The following ERRFI1 variants were observed in gnomAD, a reference collection of about 807,000 sequenced individuals.
ERRFI1 encodes ERBB receptor feedback inhibitor 1.
ERRFI1 carries 12 observed loss-of-function variants against 14.6 expected under a neutral mutation model. The observed-to-expected ratio is 0.82, with a 90% CI of 0.53 to 1.33. The LOEUF (loss-of-function observed/expected upper bound fraction) is 1.33, where lower values mean the gene tolerates loss of function less well. ERRFI1 is among the 40% of genes most tolerant of loss of function. ERRFI1 has a pLI of 0.00. For synonymous variants in ERRFI1, 202 were observed against 209.9 expected (o/e 0.96, Z 0.32); for missense variants, 482 against 572.1 (o/e 0.84, Z 1.61).
intron 1 of ERRFI1, among the ~76,000 whole-genome samples, chr1:8,023,277 TTTTG>T (rs370292855): frequency 7.9e-4 from 120 of 152,282 alleles, no homozygotes; most frequent in African/African-American, 1.7e-3. Flanking sequence ...CCCCACATTT[TTTTG>T]TTTGTTTATT....
chr1:8,021,423 A>G (rs1641272734), intron 1 of ERRFI1, among the ~76,000 whole-genome samples: 1 of 152,218 alleles, frequency 6.6e-6, no homozygotes, highest in Non-Finnish European at 1.5e-5. Context: ...TTTCTCCTAC[A>G]GAGTAGCACA....
At chr1:8,018,136 T>C (rs896277562) in intron 1 of ERRFI1, among the ~76,000 whole-genome samples, 11 of 152,126 alleles carry the variant, frequency 7.2e-5, no homozygotes, top group African/African-American at 1.4e-4. Flanking sequence ...GTTATGAAAC[T>C]GTCCGAACTT....
At chr1:8,017,813 A>G (rs940046859) in intron 1 of ERRFI1, among the ~76,000 whole-genome samples, 5 of 152,234 alleles carry the variant, frequency 3.3e-5, no homozygotes, top group African/African-American at 1.2e-4. Flanking sequence ...ACTGTGTGTC[A>G]GCCTCCTAAT....
intron 1 of ERRFI1, among the ~76,000 whole-genome samples, chr1:8,023,628 C>A (rs1417917762): frequency 6.6e-6 from 1 of 152,194 alleles, no homozygotes; most frequent in Non-Finnish European, 1.5e-5. Context: ...GAAGAGTGGT[C>A]TTTTCGTAAT....
chr1:8,014,067 C>G lies in ERRFI1; in HGVS notation c.532G>C (p.Asp178His), dbSNP rs755215502. The G allele has an allele frequency of 6.2e-7, 1 of 1,613,998 alleles. No homozygotes were observed. The highest frequency in any genetic ancestry group is 1.3e-5 in the African/African-American group (1 of 74,882). Residue 178 changes from aspartate (D) to histidine (H), a missense_variant, in exon 4 of 4, where the codon GAT (aspartate) becomes CAT (histidine). Coordinates refer to ENST00000377482, the MANE Select transcript of ERRFI1 (RefSeq NM_018948.4). ...GAGTCTTCTAAAAGGAAGTCTGTAT[C>G]TGAGCTAGTTAGGAATTCCACCTCA... The part of the protein sequence containing the change: ...DCEVEFLTSS[D>H]TDFLLEDSTL...
chr1:8,017,648 T>C (rs1342417498), intron 1 of ERRFI1, among the ~76,000 whole-genome samples: 4 of 152,200 alleles, frequency 2.6e-5, no homozygotes, highest in African/African-American at 9.7e-5. Flanking sequence ...TGTGGTAATA[T>C]AAAAATGAAA....
rs1641126599 is a variant in ERRFI1 at position 8,013,682 on chromosome 1, G to C, written c.917C>G (p.Thr306Ser). Reference sequence around the variant, plus strand: ...GTCTTCATCACTATAGGTGCTCGAAGTAACTTCTGCTGACCATCTTCTATA... The same window carrying C: ...GTCTTCATCACTATAGGTGCTCGAACTAACTTCTGCTGACCATCTTCTATA... Reference protein sequence around the residue: ...PDYRRWSAEVTSSTYSDEDRP... With the variant: ...PDYRRWSAEVSSSTYSDEDRP... The change falls in exon 4 of 4, where the codon ACT (threonine) becomes AGT (serine). Residue 306 changes from threonine to serine, a missense_variant. Coordinates refer to ENST00000377482, the MANE Select transcript of ERRFI1 (RefSeq NM_018948.4). The surrounding 1 kb of genome is among the most constrained non-coding windows in gnomAD (Gnocchi z 4.3). 6.2e-7 allele frequency: 1 copy of C among 1,614,048 alleles called. No individual in the cohort carries two copies. The highest frequency in any genetic ancestry group is 1.3e-5 in the African/African-American group (1 of 74,920).
chr1:8,020,610 A>G (rs892687049), intron 1 of ERRFI1, among the ~76,000 whole-genome samples: 1 of 150,490 alleles, frequency 6.6e-6, no homozygotes, highest in African/African-American at 2.5e-5. Flanking sequence ...CTGGAGTGCA[A>G]TGGTGCACAG....
Position 8,013,560 on chromosome 1 carries a change from G to A in ERRFI1, c.1039C>T (p.Pro347Ser), listed in dbSNP as rs2124056445. Residue 347 changes from proline (P) to serine (S), a missense_variant, in exon 4 of 4, where the codon CCC becomes TCC. Physicochemically the swap from Pro to Ser is moderately conservative, Grantham distance 74. Transcript: ENST00000377482. The surrounding 1 kb of genome is among the most constrained non-coding windows in gnomAD (Gnocchi z 4.3). ...TCAGGGGCAAAGCTCTGTGTCGGGG[G>A]CATGACCCCATTGAGGTAAGACGGA... is the stretch of plus-strand genomic sequence containing the variant. ...SLPSYLNGVM[P>S]PTQSFAPDPK... 6.2e-7 allele frequency: 1 copy of A among 1,614,102 alleles called. No individual in the cohort carries two copies. The highest frequency in any genetic ancestry group is 8.5e-7 in the Non-Finnish European group (1 of 1,180,026).
intron 1 of ERRFI1, among the ~76,000 whole-genome samples, chr1:8,016,485 G>GTA (rs1641175741): frequency 6.6e-6 from 1 of 152,146 alleles, no homozygotes; most frequent in Non-Finnish European, 1.5e-5. Flanking sequence ...TGCAAGGCAT[G>GTA]GATAACAAAA....
At chr1:8,020,544 A>T (rs564836722) in intron 1 of ERRFI1, among the ~76,000 whole-genome samples, 2 of 144,540 alleles carry the variant, frequency 1.4e-5, no homozygotes, top group East Asian at 4.1e-4. Flanking sequence ...ACAAACAAAA[A>T]AACACCAATT....
At chr1:8,022,024 A>AC (rs1641280446) in intron 1 of ERRFI1, among the ~76,000 whole-genome samples, 3 of 152,160 alleles carry the variant, frequency 2.0e-5, no homozygotes, top group Admixed American at 2.0e-4. Context: ...TTCTTGGGTA[A>AC]CCTGTAGCCT....
chr1:8,015,378 A>G lies in ERRFI1; in HGVS notation c.132T>C (p.Phe44=), dbSNP rs756656981. Residue 44 remains phenylalanine (F), a synonymous_variant, in exon 3 of 4, where the codon TTT becomes TTC. Coordinates refer to ENST00000377482, the MANE Select transcript of ERRFI1 (RefSeq NM_018948.4). ...WSSRSEFKNN[F]LNIDPITMAY... is the part of the protein sequence containing the mutation. Reference sequence around the variant, plus strand: ...CCATGGTTATCGGGTCAATATTTAAAAAGTTGCTGAAAGGAGAGGAAGCTA... The same window carrying G: ...CCATGGTTATCGGGTCAATATTTAAGAAGTTGCTGAAAGGAGAGGAAGCTA... 10 of 1,614,186 alleles carry G rather than the reference A, an allele frequency of 6.2e-6. No individual in the cohort carries two copies. In the Admixed American group the frequency reaches 1.5e-4, roughly 24 times the overall value.
chr1:8,021,406 C>T (rs1051964293), intron 1 of ERRFI1, among the ~76,000 whole-genome samples: 13 of 152,110 alleles, frequency 8.5e-5, no homozygotes, highest in African/African-American at 3.1e-4. Flanking sequence ...TTCTTTTGTC[C>T]TTTGTATTTC....
At position 8,015,315 on chromosome 1, in the gene ERRFI1, T is replaced by C. The variant is rs1163420237; in HGVS notation, c.195A>G (p.Ile65Met). The change falls in exon 3 of 4, where the codon ATA becomes ATG. Residue 65 changes from isoleucine (I) to methionine (M), a missense_variant. Coordinates refer to ENST00000377482, the MANE Select transcript of ERRFI1 (RefSeq NM_018948.4). The stretch of plus-strand genomic sequence containing the variant: ...GATTTTCAGAATACATACCAAGTGG[T>C]ATTAGGCGCTCCTGAGCAGAAGAGT... Reference protein sequence around the residue: ...SLNSSAQERLIPLGHASKSAP... With the variant: ...SLNSSAQERLMPLGHASKSAP... The C allele has an allele frequency of 2.5e-6, 4 of 1,613,918 alleles. No individual in the cohort carries two copies. In the East Asian group the frequency reaches 6.7e-5, roughly 27 times the overall value.
intron 1 of ERRFI1, among the ~76,000 whole-genome samples, chr1:8,023,574 C>T (rs536343011): frequency 1.1e-4 from 16 of 152,128 alleles, no homozygotes; most frequent in Admixed American, 2.0e-4. Context: ...CCACTGAGCC[C>T]GGCCAAAAGC....
At chr1:8,019,248 A>G (rs1246761038) in intron 1 of ERRFI1, among the ~76,000 whole-genome samples, 2 of 152,192 alleles carry the variant, frequency 1.3e-5, no homozygotes, top group Non-Finnish European at 2.9e-5. Context: ...AAACCTTCAA[A>G]GGCTCCTAAA....
chr1:8,014,460 G>C (rs942805084), intron 3 of ERRFI1, 64 bp from the exon 4 acceptor site: 30 of 1,432,546 alleles, frequency 2.1e-5, no homozygotes, highest in Non-Finnish European at 2.6e-5. Flanking sequence ...GTGAGGGAGA[G>C]AGCACCCCAG....
In ERRFI1 at chr1:8,026,308, T is replaced by TCGCCGCGGCTGC. The variant is rs1553128412; in HGVS notation, c.-225_-224insGCAGCCGCGGCG. 6.5e-6 allele frequency: 1 copy of TCGCCGCGGCTGC among 152,688 alleles called. No homozygotes were observed. The highest frequency in any genetic ancestry group is 1.5e-5 in the Non-Finnish European group (1 of 68,590). 9.5% of individuals were successfully genotyped at this position (152,688 alleles called of 1,614,324 possible). ...CACTCTGCCTCGCACCGGACCGCCG[T>TCGCCGCGGCTGC]CGCCGCGGCTGCCGCCGCCGCCTCT... On this transcript the variant is annotated 5_prime_UTR_variant, in exon 1 of 4. Transcript: ENST00000377482.
Sources: allele counts gnomAD v4.1 joint callset (sites outside exome capture counted in the v4.1 genomes callset), GRCh38; gene constraint gnomAD v4.1.1; non-coding constraint Gnocchi (gnomAD v3.1); transcripts MANE v1.5; gene names NCBI Gene and HGNC (gene_info 2026-07-23, HGNC 2026-07-21).